Variants in ZNF385D observed in about 807,000 individuals in gnomAD.
The protein encoded by ZNF385D is zinc finger protein 385D.
A neutral mutation model predicts 35.8 loss-of-function variants in ZNF385D; 15 were observed. That is an observed-to-expected ratio of 0.42 (90% CI 0.28 to 0.64). The LOEUF (loss-of-function observed/expected upper bound fraction) is 0.64. Ranked by LOEUF, ZNF385D falls within the 30% of genes least tolerant of loss-of-function variation. The probability of loss-of-function intolerance (pLI) is 0.23; values close to 1 mark genes in which losing one functional copy is unlikely to be tolerated. For synonymous variants in ZNF385D, 212 were observed against 186.8 expected (o/e 1.13, Z -1.10); for missense variants, 474 against 494.6 (o/e 0.96, Z 0.39).
At position 21,735,657 on chromosome 3, in the gene ZNF385D, T is replaced by A. The variant is rs75226728; in HGVS notation, c.22+15238A>T. Among the ~76,000 whole-genome samples the A allele has an allele frequency of 3.0e-3, 454 of 152,322 alleles. 4 individuals carry two copies. The highest frequency in any genetic ancestry group is 0.011 in the African/African-American group (446 of 41,566). ...TTCTACACAGCATTCCTAATTAGCA[T>A]ATCATTAAGTGCAGTGATTGACCGC... On this transcript the variant is annotated intron_variant, in intron 1 of 7. Transcript: ENST00000281523.
chr3:21,894,921 A>G lies in ZNF385D; in HGVS notation c.326-229893T>C, dbSNP rs542893209. ...TCTACCAGGAGCTCATGGCAAAGAG[A>G]GGACACAGATGTTTATAAACAGCAA... is the stretch of plus-strand genomic sequence containing the variant. On this transcript the variant is annotated intron_variant, in intron 3 of 5. Coordinates refer to the ZNF385D transcript ENST00000494108. Among the ~76,000 whole-genome samples the G allele has an allele frequency of 4.7e-5, 7 of 148,928 alleles. No individual in the cohort carries two copies. The East Asian group carries it at 1.4e-3, about 29-fold the overall frequency.
intron 3 of ZNF385D, among the ~76,000 whole-genome samples, chr3:21,947,094 C>G (rs1052591515): frequency 6.6e-6 from 1 of 151,964 alleles, no homozygotes; most frequent in Non-Finnish European, 1.5e-5. Context: ...ATTTTGGGGT[C>G]AAAGGTGATA....
chr3:22,242,914 A>G (rs1381939933), intron 2 of ZNF385D, among the ~76,000 whole-genome samples: 1 of 151,046 alleles, frequency 6.6e-6, no homozygotes, highest in Non-Finnish European at 1.5e-5. Context: ...TTTATAGAAG[A>G]GCAAAAAGTA....
At chr3:22,090,643 A>G (rs1408785365) in intron 3 of ZNF385D, among the ~76,000 whole-genome samples, 1 of 152,176 alleles carries the variant, frequency 6.6e-6, no homozygotes, top group African/African-American at 2.4e-5. Flanking sequence ...TGGGTTGAGT[A>G]AATTACAACA....
At chr3:22,263,371 A>C (rs1037114800) in intron 2 of ZNF385D, among the ~76,000 whole-genome samples, 1 of 151,996 alleles carries the variant, frequency 6.6e-6, no homozygotes, top group Admixed American at 6.6e-5. Flanking sequence ...CAAGATCTTC[A>C]CAAAACTTTC....
At chr3:21,952,172 C>G (rs1702097625) in intron 3 of ZNF385D, among the ~76,000 whole-genome samples, 2 of 151,992 alleles carry the variant, frequency 1.3e-5, no homozygotes, top group South Asian at 4.1e-4. Context: ...GGTTTCCTCT[C>G]TCCTCTCATG....
At chr3:22,059,158 C>A (rs1449577384) in intron 3 of ZNF385D, among the ~76,000 whole-genome samples, 2 of 152,074 alleles carry the variant, frequency 1.3e-5, no homozygotes, top group Non-Finnish European at 2.9e-5. Context: ...TAAAAAGGAC[C>A]CTGTGTAATC....
intron 3 of ZNF385D, among the ~76,000 whole-genome samples, chr3:21,836,429 G>A (rs900973749): frequency 1.3e-5 from 2 of 152,126 alleles, no homozygotes; most frequent in Non-Finnish European, 2.9e-5. Context: ...CTGTGAGAGT[G>A]AGGTTGAGAC....
intron 3 of ZNF385D, among the ~76,000 whole-genome samples, chr3:22,038,548 T>C (rs1698473795): frequency 6.6e-6 from 1 of 152,218 alleles, no homozygotes; most frequent in Non-Finnish European, 1.5e-5. Flanking sequence ...CATTATAATC[T>C]ACAGGCTGAA....
At chr3:21,836,943 G>A (rs1695365756) in intron 3 of ZNF385D, among the ~76,000 whole-genome samples, 1 of 151,870 alleles carries the variant, frequency 6.6e-6, no homozygotes, top group Non-Finnish European at 1.5e-5. Flanking sequence ...AGCTGATCCT[G>A]TCACCTCCAT....
At chr3:21,425,724 A>G in intron 5 of ZNF385D, 54 bp from the exon 6 acceptor site, 1 of 1,475,626 alleles carries the variant, frequency 6.8e-7, no homozygotes, top group South Asian at 1.4e-5. Context: ...GAAGGGAGGG[A>G]GAGAAGGAGG....
At chr3:21,888,563 T>C (rs1014935681) in intron 3 of ZNF385D, among the ~76,000 whole-genome samples, 7 of 152,072 alleles carry the variant, frequency 4.6e-5, no homozygotes, top group African/African-American at 1.7e-4. Context: ...CTGGAATAGT[T>C]TTCAGTGTTG....
At chr3:22,012,150 T>C (rs1045458503) in intron 3 of ZNF385D, among the ~76,000 whole-genome samples, 1 of 152,158 alleles carries the variant, frequency 6.6e-6, no homozygotes, top group African/African-American at 2.4e-5. Flanking sequence ...TTTTCACTTT[T>C]TTCCTGGGGC....
chr3:22,304,455 T>G (rs13078634), intron 2 of ZNF385D, among the ~76,000 whole-genome samples: 1 of 151,934 alleles, frequency 6.6e-6, no homozygotes, highest in South Asian at 2.1e-4. Context: ...GTAAGGTATA[T>G]TAGAGACTTT....
chr3:21,891,638 T>C (rs1188091606), intron 3 of ZNF385D, among the ~76,000 whole-genome samples: 6 of 152,212 alleles, frequency 3.9e-5, no homozygotes, highest in Non-Finnish European at 8.8e-5. Flanking sequence ...AATGCTTTGA[T>C]GTCACAGCAG....
chr3:21,453,303 A>G lies in ZNF385D; in HGVS notation c.440-16100T>C, dbSNP rs548852570. Among the ~76,000 whole-genome samples, 3 of 152,100 alleles carry G rather than the reference A, an allele frequency of 2.0e-5. No homozygotes were observed. The South Asian group carries it at 6.2e-4, about 32-fold the overall frequency. ...TAGGAATAAATATTTGTGACCTTGT[A>G]TTAGGCAATGGTTTCTTAAAATGGA... On this transcript the variant is annotated intron_variant, in intron 4 of 7. Transcript: ENST00000281523.
At chr3:21,704,151 C>A (rs1304719211) in intron 1 of ZNF385D, among the ~76,000 whole-genome samples, 2 of 152,158 alleles carry the variant, frequency 1.3e-5, no homozygotes, top group African/African-American at 4.8e-5. Context: ...TTTTTGCTCC[C>A]ATGTAAGCTC....
intron 2 of ZNF385D, among the ~76,000 whole-genome samples, chr3:22,190,526 G>A (rs975761422): frequency 6.6e-6 from 1 of 152,118 alleles, no homozygotes; most frequent in African/African-American, 2.4e-5. Context: ...ATGGCTAGCA[G>A]CCACAAGTTC....
intron 2 of ZNF385D, among the ~76,000 whole-genome samples, chr3:22,266,325 T>G (rs1700893695): frequency 6.6e-6 from 1 of 151,934 alleles, no homozygotes; most frequent in Non-Finnish European, 1.5e-5. Flanking sequence ...AGGCTCACAG[T>G]ATTTCTTAAT....
Sources: allele counts gnomAD v4.1 joint callset (sites outside exome capture counted in the v4.1 genomes callset), GRCh38; gene constraint gnomAD v4.1.1; transcripts MANE v1.5; gene names NCBI Gene and HGNC (gene_info 2026-07-23, HGNC 2026-07-21).